The following SLC25A21 variants were observed in gnomAD, a reference collection of about 807,000 sequenced individuals.
SLC25A21 encodes the protein solute carrier family 25 member 21.
In SLC25A21, 47 loss-of-function variants were observed where a neutral mutation model predicts 43.8. That is an observed-to-expected ratio of 1.07 (90% CI 0.85 to 1.37). SLC25A21 has a LOEUF of 1.37. SLC25A21 is among the 40% of genes most tolerant of loss of function. The pLI, the probability that SLC25A21 is intolerant of heterozygous loss-of-function variation, is 0.00. For synonymous variants in SLC25A21, 131 were observed against 121.3 expected (o/e 1.08, Z -0.52); for missense variants, 352 against 350.2 (o/e 1.00, Z -0.04).
chr14:37,018,937 T>C (rs1960923326), intron 1 of SLC25A21, among the ~76,000 whole-genome samples: 1 of 151,986 alleles, frequency 6.6e-6, no homozygotes, highest in South Asian at 2.1e-4. Flanking sequence ...TATTAGAAAA[T>C]ACTCTGAATA....
intron 3 of SLC25A21, among the ~76,000 whole-genome samples, chr14:36,755,716 G>A (rs1885902073): frequency 6.6e-6 from 1 of 152,000 alleles, no homozygotes; most frequent in South Asian, 2.1e-4. Context: ...ATCAACATAA[G>A]AGGAATCAAA....
intron 1 of SLC25A21, among the ~76,000 whole-genome samples, chr14:37,007,496 G>A (rs568317373): frequency 4.4e-4 from 67 of 151,510 alleles, no homozygotes; most frequent in African/African-American, 1.6e-3. Context: ...CTAGCTACTC[G>A]GGAGGCTGAG....
At chr14:36,847,157 CT>C (rs1354781083) in intron 2 of SLC25A21, among the ~76,000 whole-genome samples, 1 of 152,132 alleles carries the variant, frequency 6.6e-6, no homozygotes, top group Admixed American at 6.5e-5. Flanking sequence ...TATCTGAATT[CT>C]GAAACATATC....
At chr14:36,754,690 A>C (rs1225364647) in intron 3 of SLC25A21, among the ~76,000 whole-genome samples, 2 of 152,132 alleles carry the variant, frequency 1.3e-5, no homozygotes, top group East Asian at 3.8e-4. Flanking sequence ...TTCCAGAATG[A>C]TATAAATTGA....
chr14:37,121,442 T>C (rs188528127), intron 1 of SLC25A21, among the ~76,000 whole-genome samples: 4 of 152,246 alleles, frequency 2.6e-5, no homozygotes, highest in African/African-American at 9.6e-5. Context: ...ACAAAACAAG[T>C]TAACATGTGG....
At position 36,949,994 on chromosome 14, in the gene SLC25A21, C is replaced by T. The variant is rs145601574; in HGVS notation, c.71-74990G>A. Among the ~76,000 whole-genome samples, 1,120 of 152,174 alleles carry T rather than the reference C, an allele frequency of 7.4e-3. 17 individuals carry two copies. The highest frequency in any genetic ancestry group is 0.024 in the African/African-American group (1,002 of 41,526). On this transcript the variant is annotated intron_variant, in intron 1 of 9. Coordinates refer to ENST00000331299, the MANE Select transcript of SLC25A21 (RefSeq NM_030631.4). ...AAAGTACATATCAGAGACTTTATAA[C>T]GGTAATGTACAGTCTGACTCTCCAA...
chr14:37,036,280 C>G (rs947727021), intron 1 of SLC25A21, among the ~76,000 whole-genome samples: 6 of 152,080 alleles, frequency 3.9e-5, no homozygotes, highest in African/African-American at 1.2e-4. Context: ...AGCTGCAGAT[C>G]AAGAATATGA....
In SLC25A21 at chr14:36,929,602, G is replaced by A. The variant is rs191162840; in HGVS notation, c.71-54598C>T. 1.7e-3 allele frequency among the ~76,000 whole-genome samples: 260 copies of A among 152,220 alleles called. 1 individual carries two copies. Among genetic ancestry groups the A allele is most frequent in the African/African-American group, 5.7e-3 (237 of 41,542 alleles). The stretch of plus-strand genomic sequence containing the variant: ...CATGGTTCGAAGTAGCAGGCTTGGC[G>A]ATAATGTTAAATAGAGTAAGCATCA... On this transcript the variant is annotated intron_variant, in intron 1 of 9. Transcript: ENST00000331299.
intron 1 of SLC25A21, among the ~76,000 whole-genome samples, chr14:36,875,280 T>C (rs1304000434): frequency 6.6e-6 from 1 of 152,136 alleles, no homozygotes; most frequent in Admixed American, 6.5e-5. Context: ...TCAGACGTGC[T>C]AATTCAAATC....
intron 7 of SLC25A21, among the ~76,000 whole-genome samples, chr14:36,691,611 T>C (rs1445275615): frequency 6.6e-6 from 1 of 152,170 alleles, no homozygotes; most frequent in Non-Finnish European, 1.5e-5. Flanking sequence ...TTATTGACTT[T>C]GAGAGGCCAA....
intron 1 of SLC25A21, among the ~76,000 whole-genome samples, chr14:36,908,815 G>C (rs1179123150): frequency 6.6e-6 from 1 of 152,154 alleles, no homozygotes; most frequent in Non-Finnish European, 1.5e-5. Context: ...AGAGCTTCCA[G>C]TTATGTTAAA....
intron 1 of SLC25A21, among the ~76,000 whole-genome samples, chr14:36,938,818 T>A (rs1259495895): frequency 6.6e-6 from 1 of 151,902 alleles, no homozygotes; most frequent in Non-Finnish European, 1.5e-5. Context: ...ATGTAATGAG[T>A]AAAACATAAA....
chr14:37,056,326 T>G (rs1242368832), intron 1 of SLC25A21, among the ~76,000 whole-genome samples: 2 of 151,808 alleles, frequency 1.3e-5, no homozygotes, highest in Non-Finnish European at 2.9e-5. Context: ...CCGTCTCTAC[T>G]AAAAATACAA....
intron 5 of SLC25A21, among the ~76,000 whole-genome samples, chr14:36,725,883 C>T (rs941445193): frequency 1.3e-5 from 2 of 152,150 alleles, no homozygotes; most frequent in African/African-American, 4.8e-5. Context: ...CCACAAACCA[C>T]ATCCTAACAA....
intron 1 of SLC25A21, among the ~76,000 whole-genome samples, chr14:37,018,634 C>T (rs1399109543): frequency 6.6e-6 from 1 of 152,066 alleles, no homozygotes; most frequent in Non-Finnish European, 1.5e-5. Context: ...CACATTTTAC[C>T]TATTACAATA....
At chr14:36,723,173 T>A (rs1407001430) in intron 6 of SLC25A21, among the ~76,000 whole-genome samples, 2 of 152,212 alleles carry the variant, frequency 1.3e-5, no homozygotes, top group African/African-American at 4.8e-5. Flanking sequence ...TGACCAGCAA[T>A]ATCCGAATGT....
At chr14:37,124,796 T>G (rs567689738) in intron 1 of SLC25A21, among the ~76,000 whole-genome samples, 1 of 152,176 alleles carries the variant, frequency 6.6e-6, no homozygotes, top group Admixed American at 6.5e-5. Flanking sequence ...CATGACAGAG[T>G]TCTCACAAGA....
At chr14:36,897,895 G>A (rs1566721326) in intron 1 of SLC25A21, among the ~76,000 whole-genome samples, 1 of 152,182 alleles carries the variant, frequency 6.6e-6, no homozygotes, top group Non-Finnish European at 1.5e-5. Flanking sequence ...TCCTCTGGAA[G>A]TTTTGTCTCA....
At chr14:37,068,090 A>G (rs956990373) in intron 1 of SLC25A21, among the ~76,000 whole-genome samples, 1 of 152,144 alleles carries the variant, frequency 6.6e-6, no homozygotes, top group Non-Finnish European at 1.5e-5. Flanking sequence ...ACGTTTGCCA[A>G]CCCCCGGACT....
Sources: allele counts gnomAD v4.1 joint callset (sites outside exome capture counted in the v4.1 genomes callset), GRCh38; gene constraint gnomAD v4.1.1; transcripts MANE v1.5; gene names NCBI Gene and HGNC (gene_info 2026-07-23, HGNC 2026-07-21).